Variants in ASIC2 observed in about 807,000 individuals in gnomAD.
ASIC2 encodes acid-sensing ion channel 2.
ASIC2 carries 25 observed loss-of-function variants against 57.3 expected under a neutral mutation model. That is an observed-to-expected ratio of 0.44 (90% CI 0.32 to 0.61). ASIC2 has a LOEUF of 0.61. Among genes scored for constraint, ASIC2 ranks in the 20% least tolerant of loss-of-function variants. The pLI, the probability that ASIC2 is intolerant of heterozygous loss-of-function variation, is 0.06. For synonymous variants in ASIC2, 319 were observed against 307.5 expected (o/e 1.04, Z -0.39); for missense variants, 641 against 738.1 (o/e 0.87, Z 1.52).
intron 1 of ASIC2, among the ~76,000 whole-genome samples, chr17:33,388,554 C>A (rs1909778851): frequency 6.6e-6 from 1 of 152,178 alleles, no homozygotes; most frequent in Non-Finnish European, 1.5e-5. Flanking sequence ...CATGGATGGT[C>A]TTTTCCCCTT....
At chr17:34,091,953 A>G (rs917181660) in intron 1 of ASIC2, among the ~76,000 whole-genome samples, 20 of 152,150 alleles carry the variant, frequency 1.3e-4, no homozygotes, top group African/African-American at 4.8e-4. Context: ...TATATGGATG[A>G]AAAGGGAAGA....
At chr17:33,678,688 G>C (rs1437194380) in intron 1 of ASIC2, among the ~76,000 whole-genome samples, 7 of 152,166 alleles carry the variant, frequency 4.6e-5, no homozygotes, top group Admixed American at 4.6e-4. Context: ...GTTCCCTGAG[G>C]TTCGGTGAGG....
In ASIC2 at chr17:33,659,480, C is replaced by G. The variant is rs532748096; in HGVS notation, c.555+496498G>C. Among the ~76,000 whole-genome samples, 3 of 152,322 alleles carry G rather than the reference C, an allele frequency of 2.0e-5. No individual in the cohort carries two copies. The East Asian group carries it at 5.8e-4, about 29-fold the overall frequency. ...GGCCACAAACCTGTACATTATGCGA[C>G]TGTCCTCAATACTGTAGGCAATTGT... is the stretch of plus-strand genomic sequence containing the variant. On this transcript the variant is annotated intron_variant, in intron 1 of 9. Transcript: ENST00000359872.
rs139889387 is a variant in ASIC2 at position 33,903,235 on chromosome 17, T to C, written c.555+252743A>G. ...CAGGCCCTGTCTTTCTCTCTCATGG[T>C]GCAGACACATGAACAATTTATGATG... On this transcript the variant is annotated intron_variant, in intron 1 of 9. Transcript: ENST00000359872. Among the ~76,000 whole-genome samples the C allele has an allele frequency of 3.9e-5, 6 of 152,338 alleles. No individual in the cohort carries two copies. In the East Asian group the frequency reaches 1.2e-3, roughly 29 times the overall value.
chr17:33,818,501 C>T (rs147395101), intron 1 of ASIC2, among the ~76,000 whole-genome samples: 23 of 152,232 alleles, frequency 1.5e-4, no homozygotes, highest in Admixed American at 7.2e-4. Context: ...GGCTCTGAAG[C>T]GGTGGTTCTC....
intron 1 of ASIC2, among the ~76,000 whole-genome samples, chr17:33,741,700 A>G (rs1341072119): frequency 6.6e-6 from 1 of 152,220 alleles, no homozygotes; most frequent in Non-Finnish European, 1.5e-5. Flanking sequence ...TGACAGTGAC[A>G]GACAATGCAG....
At chr17:33,343,704 C>CTG (rs1907827845) in intron 1 of ASIC2, among the ~76,000 whole-genome samples, 1 of 152,156 alleles carries the variant, frequency 6.6e-6, no homozygotes, top group Non-Finnish European at 1.5e-5. Flanking sequence ...ATTTTCCAGT[C>CTG]TGTGTTCACT....
chr17:34,012,675 T>C (rs1906813945), intron 1 of ASIC2, among the ~76,000 whole-genome samples: 1 of 152,126 alleles, frequency 6.6e-6, no homozygotes. Context: ...GATTTGCATT[T>C]TTTTCTCTCC....
intron 1 of ASIC2, among the ~76,000 whole-genome samples, chr17:33,896,415 G>A (rs773503164): frequency 7.9e-5 from 12 of 152,220 alleles, no homozygotes; most frequent in Non-Finnish European, 1.8e-4. Flanking sequence ...GGCAGCCCAA[G>A]TAAGTTCTGA....
chr17:33,461,668 A>G (rs1272349557), intron 1 of ASIC2, among the ~76,000 whole-genome samples: 1 of 152,176 alleles, frequency 6.6e-6, no homozygotes, highest in African/African-American at 2.4e-5. Flanking sequence ...CTACCACTCT[A>G]GAATCTCTTG....
At chr17:33,723,559 C>T (rs1400093423) in intron 1 of ASIC2, among the ~76,000 whole-genome samples, 1 of 152,132 alleles carries the variant, frequency 6.6e-6, no homozygotes, top group Non-Finnish European at 1.5e-5. Flanking sequence ...GAACTCCTGG[C>T]CTCAAGTGAT....
intron 1 of ASIC2, among the ~76,000 whole-genome samples, chr17:33,858,255 G>A (rs1459418397): frequency 6.6e-6 from 1 of 152,200 alleles, no homozygotes; most frequent in Non-Finnish European, 1.5e-5. Flanking sequence ...CAACCTGTGA[G>A]GGAGGTAAAA....
chr17:33,932,200 C>G (rs998071467), intron 1 of ASIC2, among the ~76,000 whole-genome samples: 6 of 152,154 alleles, frequency 3.9e-5, no homozygotes, highest in African/African-American at 1.2e-4. Flanking sequence ...CCCCAGGCTG[C>G]AGGAGCTCTC....
At chr17:33,411,607 G>C (rs1310934299) in intron 1 of ASIC2, among the ~76,000 whole-genome samples, 2 of 152,140 alleles carry the variant, frequency 1.3e-5, no homozygotes, top group African/African-American at 4.8e-5. Flanking sequence ...CTCCAGTGGG[G>C]GTACAGATAG....
intron 1 of ASIC2, among the ~76,000 whole-genome samples, chr17:34,089,406 G>T (rs149541653): frequency 1.1e-4 from 17 of 152,230 alleles, no homozygotes; most frequent in Non-Finnish European, 1.6e-4. Context: ...CAAGGTGATA[G>T]CCAGGTGGGT....
chr17:33,569,497 G>A (rs1338119540), intron 1 of ASIC2: 1 of 152,314 alleles, frequency 6.6e-6, no homozygotes, highest in Non-Finnish European at 1.5e-5. Flanking sequence ...GGGCCCACAG[G>A]GAGTGAGGCA....
intron 1 of ASIC2, among the ~76,000 whole-genome samples, chr17:33,214,606 T>C (rs1907405554): frequency 6.6e-6 from 1 of 152,322 alleles, no homozygotes; most frequent in Admixed American, 6.5e-5. Flanking sequence ...ACTGTACATA[T>C]GAGCTACTTG....
intron 1 of ASIC2, among the ~76,000 whole-genome samples, chr17:33,858,809 T>C (rs1296945128): frequency 6.6e-6 from 1 of 152,206 alleles, no homozygotes; most frequent in African/African-American, 2.4e-5. Flanking sequence ...AGTGCAACCA[T>C]TGAACCATGC....
At chr17:33,220,003 A>G (rs940405738) in intron 1 of ASIC2, among the ~76,000 whole-genome samples, 1 of 152,212 alleles carries the variant, frequency 6.6e-6, no homozygotes, top group Non-Finnish European at 1.5e-5. Flanking sequence ...TTCAATCAAT[A>G]AAAAGCAGCA....
Sources: gnomAD v4.1 joint callset for allele counts (sites outside exome capture counted in the v4.1 genomes callset) on GRCh38, gnomAD v4.1.1 for gene constraint, MANE v1.5 for transcripts, NCBI Gene and HGNC (gene_info 2026-07-23, HGNC 2026-07-21) for gene names.